Variants in NME9 observed in about 807,000 individuals in gnomAD.
NME9 encodes thioredoxin domain-containing protein 6.
A neutral mutation model predicts 44.4 loss-of-function variants in NME9; 48 were observed. The observed-to-expected ratio is 1.08, with a 90% CI of 0.86 to 1.37. NME9 has a LOEUF of 1.37. Among genes scored for constraint, NME9 ranks in the 40% most tolerant of loss-of-function variants. The pLI, the probability that NME9 is intolerant of heterozygous loss-of-function variation, is 0.00. For synonymous variants in NME9, 139 were observed against 147.1 expected, an observed-to-expected ratio of 0.94 and a Z score of 0.40; for missense variants, 325 against 405.2, an observed-to-expected ratio of 0.80 and a Z score of 1.70.
intron 1 of NME9, among the ~76,000 whole-genome samples, chr3:138,328,457 G>A (rs78812421): frequency 0.092 from 13,892 of 151,104 alleles, 2,095 homozygotes; most frequent in African/African-American, 0.32. Context: ...TGCTGGTCCT[G>A]CTGAGGACAA....
At chr3:138,264,103 T>C (rs756339943) in intron 8 of NME9, 4 of 1,596,660 alleles carry the variant, frequency 2.5e-6, no homozygotes, top group Non-Finnish European at 3.4e-6. Flanking sequence ...TGATTTCTTG[T>C]GAAGCTAATT....
rs558388735 is a variant in NME9 at position 138,323,331 on chromosome 3, G to A, written c.91+1542C>T. Among the ~76,000 whole-genome samples, 35 of 152,294 alleles carry A rather than the reference G, an allele frequency of 2.3e-4. No homozygotes were observed. In the South Asian group the frequency reaches 5.4e-3, roughly 23 times the overall value. ...CTTGGGAGGCTGAGGCAGGAGAATC[G>A]CTTGAACCCCAGAGACAGAGGTTGT... On this transcript the variant is annotated intron_variant, in intron 2 of 10. Coordinates refer to ENST00000333911, the MANE Select transcript of NME9 (RefSeq NM_001349018.2).
At chr3:138,329,251 C>T (rs1329747349) in intron 1 of NME9, 52 bp downstream of exon 1, 2 of 1,476,666 alleles carry the variant, frequency 1.4e-6, no homozygotes, top group African/African-American at 2.8e-5. Flanking sequence ...AATCACCCTC[C>T]TCTTCCCCGA....
intron 8 of NME9, among the ~76,000 whole-genome samples, chr3:138,292,445 C>T (rs1198021147): frequency 6.6e-6 from 1 of 152,062 alleles, no homozygotes; most frequent in Non-Finnish European, 1.5e-5. Flanking sequence ...GTAATAATGT[C>T]GGTAAGGGAG....
intron 8 of NME9, among the ~76,000 whole-genome samples, chr3:138,290,217 A>G (rs2108384264): frequency 6.6e-6 from 1 of 152,250 alleles, no homozygotes; most frequent in East Asian, 1.9e-4. Context: ...GTCCTGAAAG[A>G]AGTGGTGAAG....
At chr3:138,284,663 TC>T (rs1159918883) in intron 8 of NME9, 10 of 650,112 alleles carry the variant, frequency 1.5e-5, no homozygotes, top group Admixed American at 2.8e-5. Context: ...CAAAGAACTC[TC>T]TTCCATCCTG....
intron 8 of NME9, among the ~76,000 whole-genome samples, chr3:138,277,677 G>C (rs534767226): frequency 6.6e-6 from 1 of 152,186 alleles, no homozygotes; most frequent in African/African-American, 2.4e-5. Context: ...AGGATGCAGA[G>C]CATCTAGTGG....
chr3:138,318,176 T>A lies in NME9; in HGVS notation c.239A>T (p.Lys80Met). The change falls in exon 4 of 11, where the codon AAG (lysine) becomes ATG (methionine). Residue 80 changes from lysine to methionine, a missense_variant. Physicochemically the swap from Lys to Met is moderately conservative, Grantham distance 95 (BLOSUM62 -1). Transcript: ENST00000333911. ...ATAAAACAGAAAGGTTGGCTCGCAC[T>A]TCCCTCTGTACTTTTCGAGGACATC... ...RLDVLEKYRG[K>M]CEPTFLFYAG... 1 of 1,612,196 alleles carries A rather than the reference T, an allele frequency of 6.2e-7. No homozygotes were observed. Among genetic ancestry groups the A allele is most frequent in the Non-Finnish European group, 8.5e-7 (1 of 1,178,210 alleles).
chr3:138,295,409 T>A (rs926117232), intron 8 of NME9, among the ~76,000 whole-genome samples: 3 of 152,212 alleles, frequency 2.0e-5, no homozygotes, highest in Non-Finnish European at 4.4e-5. Flanking sequence ...TCTAATCACC[T>A]CAACACCATT....
chr3:138,327,283 G>T (rs1474443984), intron 1 of NME9, among the ~76,000 whole-genome samples: 2 of 152,052 alleles, frequency 1.3e-5, no homozygotes, highest in African/African-American at 4.8e-5. Flanking sequence ...AAATAAGAGA[G>T]TTGGACTGAC....
chr3:138,263,876 T>A (rs939453), intron 8 of NME9: 1 of 1,482,118 alleles, frequency 6.7e-7, no homozygotes, highest in Non-Finnish European at 9.4e-7. Flanking sequence ...TTAACCTGTT[T>A]CCTTTCTGGT....
intron 8 of NME9, among the ~76,000 whole-genome samples, chr3:138,283,695 G>C (rs1165610151): frequency 6.6e-6 from 1 of 152,180 alleles, no homozygotes; most frequent in Non-Finnish European, 1.5e-5. Context: ...GTCTGGCTTT[G>C]AGAATGGAAC....
At chr3:138,278,297 A>C (rs2049507691) in intron 8 of NME9, among the ~76,000 whole-genome samples, 1 of 152,094 alleles carries the variant, frequency 6.6e-6, no homozygotes, top group South Asian at 2.1e-4. Context: ...ACTTGAGGTC[A>C]GAAGTTCAGG....
chr3:138,318,258 G>C (rs1264164560), intron 3 of NME9, 39 bp from the exon 4 acceptor site: 12 of 1,339,824 alleles, frequency 9.0e-6, no homozygotes, highest in Admixed American at 1.7e-5. Flanking sequence ...CTGGATGCAG[G>C]GGGTGCAGGG....
chr3:138,320,861 T>C (rs975233628), intron 2 of NME9, among the ~76,000 whole-genome samples: 6 of 152,000 alleles, frequency 3.9e-5, no homozygotes, highest in Non-Finnish European at 8.8e-5. Context: ...GAATCTGGAA[T>C]GTGGGGCTTG....
chr3:138,275,674 T>C (rs1229486449), intron 8 of NME9, among the ~76,000 whole-genome samples: 2 of 152,234 alleles, frequency 1.3e-5, no homozygotes, highest in Non-Finnish European at 2.9e-5. Context: ...GGGGCTGTGC[T>C]TCTCATCTTC....
intron 8 of NME9, chr3:138,288,900 G>C: frequency 6.6e-6 from 4 of 603,722 alleles, no homozygotes; most frequent in Non-Finnish European, 1.2e-5. Context: ...GTCTCCCAAA[G>C]TGCTGGGATT....
rs1290253608 is a variant in NME9 at position 138,264,095 on chromosome 3, A to G, written c.746-1509T>C. 4 of 1,582,812 alleles carry G rather than the reference A, an allele frequency of 2.5e-6. No individual in the cohort carries two copies. In the Admixed American group the frequency reaches 5.1e-5, roughly 20 times the overall value. ...GTTTGTTTGAAAAGTAAAAGTTTTG[A>G]TTTCTTGTGAAGCTAATTTTGATTA... On this transcript the variant is annotated intron_variant, in intron 8 of 8. Coordinates refer to the NME9 transcript ENST00000317876.
chr3:138,281,310 T>C (rs1042639442), intron 8 of NME9, among the ~76,000 whole-genome samples: 5 of 151,938 alleles, frequency 3.3e-5, no homozygotes, highest in African/African-American at 1.2e-4. Flanking sequence ...TTTTTTTTTT[T>C]TGATAGAGAG....
Sources: gnomAD v4.1 joint callset for allele counts (sites outside exome capture counted in the v4.1 genomes callset) on GRCh38, gnomAD v4.1.1 for gene constraint, MANE v1.5 for transcripts, NCBI Gene and HGNC (gene_info 2026-07-23, HGNC 2026-07-21) for gene names.